Variants in CALN1 observed in about 807,000 individuals in gnomAD.
CALN1 encodes calneuron 1.
A neutral mutation model predicts 30.6 loss-of-function variants in CALN1; 17 were observed. The ratio of observed to expected loss-of-function variants is 0.56; its 90% CI spans 0.38 to 0.83. CALN1 has a LOEUF of 0.83. Among genes scored for constraint, CALN1 ranks in the 40% least tolerant of loss-of-function variants. The pLI, the probability that CALN1 is intolerant of heterozygous loss-of-function variation, is 0.00. For missense variants in CALN1, 291 were observed against 354.9 expected (o/e 0.82, Z 1.45); for synonymous variants, 156 against 131.4 (o/e 1.19, Z -1.28).
At chr7:72,496,700 A>G in the CALN1 span, among the ~76,000 whole-genome samples, 5 of 152,062 alleles carry the variant, frequency 3.3e-5, no homozygotes, top group Non-Finnish European at 7.4e-5. Flanking sequence ...GCAAGACCTC[A>G]CCTCTACAAA....
intron 5 of CALN1, among the ~76,000 whole-genome samples, chr7:72,007,141 G>A (rs1386776827): frequency 6.6e-6 from 1 of 152,148 alleles, no homozygotes; most frequent in Non-Finnish European, 1.5e-5. Flanking sequence ...GAATAAAGAC[G>A]ACATTTCCCA....
intron 5 of CALN1, among the ~76,000 whole-genome samples, chr7:71,956,868 T>C (rs574497484): frequency 6.6e-6 from 1 of 152,184 alleles, no homozygotes; most frequent in East Asian, 1.9e-4. Context: ...GGCTAATTTA[T>C]GTATTTTTAG....
intron 1 of CALN1, among the ~76,000 whole-genome samples, chr7:72,426,579 T>C (rs1322622047): frequency 3.3e-5 from 5 of 152,200 alleles, no homozygotes; most frequent in Admixed American, 3.3e-4. Context: ...TTACACAGTC[T>C]CAGGCATTAT....
At chr7:71,811,851 G>T (rs62459042) in intron 5 of CALN1, among the ~76,000 whole-genome samples, 1 of 151,612 alleles carries the variant, frequency 6.6e-6, no homozygotes, top group African/African-American at 2.4e-5. Flanking sequence ...GCTAATTTTT[G>T]TATTTTTAGT....
chr7:72,104,970 A>G lies in CALN1; in HGVS notation c.388+1181T>C, dbSNP rs1038506088. Among the ~76,000 whole-genome samples, 4 of 152,106 alleles carry G rather than the reference A, an allele frequency of 2.6e-5. No individual in the cohort carries two copies. In the East Asian group the frequency reaches 7.7e-4, roughly 29 times the overall value. On this transcript the variant is annotated intron_variant, in intron 4 of 6. Transcript: ENST00000395275. ...AGACTCCGTCTCTAAAATAAATAAT[A>G]AATAAAATACAATTAAAAAAATTAA...
upstream of CALN1, among the ~76,000 whole-genome samples, chr7:72,416,100 C>G (rs1228335847): frequency 6.6e-6 from 1 of 152,178 alleles, no homozygotes; most frequent in Non-Finnish European, 1.5e-5. Flanking sequence ...GGACTTGACT[C>G]CAGACCAGAC....
At chr7:71,795,436 A>T (rs1429702042) in intron 6 of CALN1, among the ~76,000 whole-genome samples, 2 of 152,142 alleles carry the variant, frequency 1.3e-5, no homozygotes, top group Non-Finnish European at 2.9e-5. Context: ...TGTTGTAATG[A>T]TCTAGCTTTC....
chr7:71,868,960 G>A (rs758311886), intron 5 of CALN1, among the ~76,000 whole-genome samples: 1 of 152,176 alleles, frequency 6.6e-6, no homozygotes, highest in Non-Finnish European at 1.5e-5. Context: ...GGCTGGCTCA[G>A]CTGACCAAAC....
rs568514145 is a variant in CALN1 at position 72,292,849 on chromosome 7, G to A, written c.120-14039C>T. 1.4e-4 allele frequency among the ~76,000 whole-genome samples: 19 copies of A among 133,160 alleles called. No individual in the cohort carries two copies. The East Asian group carries it at 2.5e-3, about 18-fold the overall frequency. The allele number at this position is 133,160 out of a possible 152,430, so 87.4% of individuals were successfully genotyped here. ...AAAAAAAAAAAGAATTTCAACATAT[G>A]ACTTTTGGAGAAACACATTTAGTCC... On this transcript the variant is annotated intron_variant, in intron 2 of 6. Transcript: ENST00000395275.
intron 2 of CALN1, among the ~76,000 whole-genome samples, chr7:72,352,557 G>C (rs1487109539): frequency 6.6e-6 from 1 of 152,000 alleles, no homozygotes; most frequent in Non-Finnish European, 1.5e-5. Context: ...GTATGTCAAA[G>C]AATAATCACA....
At chr7:72,447,095 G>T, upstream of CALN1, 1 of 161,836 alleles carries the variant, frequency 6.2e-6, no homozygotes, top group East Asian at 1.6e-4. Context: ...GAGTTAAGGA[G>T]AATCTCTAAG....
intron 5 of CALN1, among the ~76,000 whole-genome samples, chr7:71,915,692 G>A (rs1420047881): frequency 1.3e-5 from 2 of 152,042 alleles, no homozygotes; most frequent in Admixed American, 6.5e-5. Context: ...CAAGATCGCT[G>A]CATTGCACTC....
At chr7:72,103,767 G>T (rs1289686729) in intron 4 of CALN1, among the ~76,000 whole-genome samples, 3 of 152,066 alleles carry the variant, frequency 2.0e-5, no homozygotes, top group East Asian at 1.9e-4. Flanking sequence ...ATGGAGGGGG[G>T]GGGAAGGAGG....
intron 5 of CALN1, among the ~76,000 whole-genome samples, chr7:71,816,313 G>A (rs1048987019): frequency 1.4e-4 from 22 of 152,098 alleles, no homozygotes; most frequent in Non-Finnish European, 4.4e-5. Flanking sequence ...ATCCTAGACA[G>A]GAATTTTGAC....
At chr7:71,996,521 T>C (rs1232113075) in intron 5 of CALN1, among the ~76,000 whole-genome samples, 2 of 152,230 alleles carry the variant, frequency 1.3e-5, no homozygotes, top group Admixed American at 6.5e-5. Flanking sequence ...CTGAGGATAA[T>C]GGCTTCCAGC....
At chr7:72,285,730 C>A (rs1037856556) in intron 2 of CALN1, among the ~76,000 whole-genome samples, 4 of 151,948 alleles carry the variant, frequency 2.6e-5, no homozygotes, top group African/African-American at 7.3e-5. Flanking sequence ...TTAACTTGTC[C>A]CTGAAACTTT....
the CALN1 span, among the ~76,000 whole-genome samples, chr7:72,485,770 C>G: frequency 6.6e-6 from 1 of 152,120 alleles, no homozygotes; most frequent in South Asian, 2.1e-4. Context: ...ACTCCGGAGG[C>G]TGAGGCAGGA....
intron 3 of CALN1, among the ~76,000 whole-genome samples, chr7:72,180,138 A>C (rs1789656870): frequency 6.6e-6 from 1 of 152,262 alleles, no homozygotes; most frequent in South Asian, 2.1e-4. Context: ...ACATTCCAGA[A>C]GCCCACGGGG....
chr7:72,410,031 C>T (rs913916723), intron 1 of CALN1, among the ~76,000 whole-genome samples: 1 of 151,992 alleles, frequency 6.6e-6, no homozygotes, highest in Non-Finnish European at 1.5e-5. Context: ...TATAACTGAA[C>T]ATAATTCTTT....
Sources: gnomAD v4.1 joint callset for allele counts (sites outside exome capture counted in the v4.1 genomes callset) on GRCh38, gnomAD v4.1.1 for gene constraint, MANE v1.5 for transcripts, NCBI Gene and HGNC (gene_info 2026-07-23, HGNC 2026-07-21) for gene names.